Variants in KIR2DL4 observed in about 807,000 individuals in gnomAD.
KIR2DL4 encodes the protein killer cell immunoglobulin-like receptor 2DL4.
Under a neutral mutation model 31.0 loss-of-function variants are expected in KIR2DL4, and 41 were observed. The observed-to-expected ratio is 1.32, with a 90% CI of 1.03 to 1.72. KIR2DL4 has a LOEUF of 1.72. KIR2DL4 is among the 40% of genes most tolerant of loss of function. The pLI is 0.00. For synonymous variants in KIR2DL4, 164 were observed against 133.6 expected, an observed-to-expected ratio of 1.23 and a Z score of -1.57; for missense variants, 438 against 353.7, an observed-to-expected ratio of 1.24 and a Z score of -1.91.
chr19:54,806,979 C>G (rs1370339411), intron 4 of KIR2DL4, among the ~76,000 whole-genome samples: 2 of 150,516 alleles, frequency 1.3e-5, no homozygotes, highest in Admixed American at 6.6e-5. Context: ...CATGCCACTG[C>G]ACTGCAGCCT....
chr19:54,813,785 G>A (rs653140), intron 7 of KIR2DL4, 43 bp downstream of exon 6: 10 of 1,609,702 alleles, frequency 6.2e-6, no homozygotes, highest in Non-Finnish European at 8.5e-6. Flanking sequence ...GTCTTATTCC[G>A]AAATAGTCCT....
At chr19:54,810,869 C>A (rs572249134) in intron 5 of KIR2DL4, among the ~76,000 whole-genome samples, 17 of 151,384 alleles carry the variant, frequency 1.1e-4, no homozygotes, top group African/African-American at 4.1e-4. Context: ...ATTCCCGCCC[C>A]CCTGGTGAAA....
chr19:54,813,069 TC>T, intron 5 of KIR2DL4: 1 of 1,292,658 alleles, frequency 7.7e-7, no homozygotes, highest in South Asian at 1.3e-5. Context: ...TGAGAGACAA[TC>T]CACAAAGAGG....
At chr19:54,813,182 C>G in exon 6 of KIR2DL4, 3 of 1,539,716 alleles carry the variant, frequency 1.9e-6, no homozygotes, top group South Asian at 1.1e-5. Flanking sequence ...ATCCTCTTTA[C>G]CATCCTTCCC....
intron 6 of KIR2DL4, chr19:54,813,271 G>A: frequency 6.3e-7 from 1 of 1,598,588 alleles, no homozygotes; most frequent in African/African-American, 1.4e-5. Flanking sequence ...AGGGCCCTGT[G>A]CGGAAGCAGG....
chr19:54,812,178 A>C (rs1377723300), intron 5 of KIR2DL4, among the ~76,000 whole-genome samples: 2 of 151,236 alleles, frequency 1.3e-5, no homozygotes, highest in Non-Finnish European at 2.9e-5. Flanking sequence ...CCATCACTCC[A>C]GGGAGACAGA....
chr19:54,805,207 G>A (rs2147886323), intron 3 of KIR2DL4, 130 bp downstream of exon 3: 3 of 862,638 alleles, frequency 3.5e-6, no homozygotes, highest in Non-Finnish European at 1.8e-6. Context: ...ATTGAATACA[G>A]GGGAATGGGT....
intron 5 of KIR2DL4, chr19:54,813,012 G>C: frequency 1.4e-6 from 1 of 718,724 alleles, no homozygotes; most frequent in Non-Finnish European, 2.2e-6. Context: ...CCTCGTGGGT[G>C]CTTGTCTTAA....
intron 4 of KIR2DL4, among the ~76,000 whole-genome samples, chr19:54,808,490 G>C (rs1234112256): frequency 6.6e-6 from 1 of 150,470 alleles, no homozygotes; most frequent in East Asian, 1.9e-4. Context: ...TCGAACCTTT[G>C]TCAAAGTCCA....
At chr19:54,804,772 C>A in intron 2 of KIR2DL4, 21 bp from the exon 3 acceptor site, 1 of 1,606,554 alleles carries the variant, frequency 6.2e-7, no homozygotes, top group South Asian at 1.1e-5. Flanking sequence ...CTCTCTGAGG[C>A]GGCATCTCCT....
intron 5 of KIR2DL4, among the ~76,000 whole-genome samples, chr19:54,812,078 A>G (rs1459320600): frequency 1.3e-5 from 2 of 151,214 alleles, no homozygotes; most frequent in African/African-American, 4.9e-5. Context: ...AAGCACATTC[A>G]CTGTGTATCA....
chr19:54,803,861 T>C, intron 1 of KIR2DL4, 30 bp from the exon 2 acceptor site: 2 of 1,604,802 alleles, frequency 1.2e-6, no homozygotes, highest in Non-Finnish European at 1.7e-6. Context: ...GCTGCCGAGA[T>C]GAATAGTTCA....
chr19:54,804,392 G>A (rs1351300226), intron 2 of KIR2DL4, among the ~76,000 whole-genome samples: 6 of 151,312 alleles, frequency 4.0e-5, no homozygotes, highest in Admixed American at 3.9e-4. Context: ...TGTGGCTGCT[G>A]TCATTCTGCC....
At chr19:54,814,225 C>T (rs2061076347) in exon 8 of KIR2DL4, 20 of 1,213,926 alleles carry the variant, frequency 1.6e-5, no homozygotes, top group South Asian at 2.6e-5. Context: ...AAAACACACT[C>T]CTTTGCTTAG....
chr19:54,812,983 G>A, intron 5 of KIR2DL4: 2 of 599,810 alleles, frequency 3.3e-6, no homozygotes, highest in Non-Finnish European at 2.8e-6. Context: ...GAGAAAGCAG[G>A]AGAAAGCTGG....
At chr19:54,811,010 C>A (rs1307678417) in intron 5 of KIR2DL4, among the ~76,000 whole-genome samples, 1 of 151,334 alleles carries the variant, frequency 6.6e-6, no homozygotes, top group Non-Finnish European at 1.5e-5. Flanking sequence ...TCATTGATTT[C>A]TTTCTGAGAT....
exon 4 of KIR2DL4, chr19:54,806,155 A>G (rs1488401106): frequency 6.2e-7 from 1 of 1,611,956 alleles, no homozygotes; most frequent in Non-Finnish European, 8.5e-7. Context: ...CCTGCCACCC[A>G]CGGAGAGACC....
At chr19:54,805,643 T>G (rs796855984) in intron 3 of KIR2DL4, among the ~76,000 whole-genome samples, 1 of 150,342 alleles carries the variant, frequency 6.7e-6, no homozygotes, top group Non-Finnish European at 1.5e-5. Flanking sequence ...TGTTCTCTCC[T>G]GCCGCCATGT....
At chr19:54,807,526 C>T (rs1481171455) in intron 4 of KIR2DL4, among the ~76,000 whole-genome samples, 5 of 150,864 alleles carry the variant, frequency 3.3e-5, no homozygotes, top group Admixed American at 6.6e-5. Context: ...CAACCTCTAC[C>T]TCCAGGATTC....
Sources: allele counts gnomAD v4.1 joint callset (sites outside exome capture counted in the v4.1 genomes callset), GRCh38; gene constraint gnomAD v4.1.1; transcripts MANE v1.5; gene names NCBI Gene and HGNC (gene_info 2026-07-23, HGNC 2026-07-21).